Variants in BRD4 observed in about 807,000 individuals in gnomAD.
BRD4 encodes the protein bromodomain containing 4.
BRD4 carries 16 observed loss-of-function variants against 142.1 expected under a neutral mutation model. The ratio of observed to expected loss-of-function variants is 0.11; its 90% CI spans 0.08 to 0.17. The LOEUF is 0.17. Ranked by LOEUF, BRD4 falls within the 10% of genes least tolerant of loss-of-function variation. The pLI, the probability that BRD4 is intolerant of heterozygous loss-of-function variation, is 1.00. For synonymous variants in BRD4, 833 were observed against 707.5 expected, an observed-to-expected ratio of 1.18 and a Z score of -2.82; for missense variants, 1,424 against 1,810.9, an observed-to-expected ratio of 0.79 and a Z score of 3.88.
intron 2 of BRD4, among the ~76,000 whole-genome samples, chr19:15,271,485 G>A (rs1485221146): frequency 3.9e-5 from 6 of 152,132 alleles, no homozygotes; most frequent in Admixed American, 1.3e-4. Context: ...GCTCTCTTCT[G>A]TAGGCCTTCT....
At chr19:15,273,178 T>C in intron 1 of BRD4, 45 bp from the exon 2 acceptor site, 1 of 1,497,086 alleles carries the variant, frequency 6.7e-7, no homozygotes. Context: ...AGTCAGCAGA[T>C]GGGCACCGCT....
At chr19:15,264,222 C>A in intron 6 of BRD4, 182 bp downstream of exon 6, 1 of 758,636 alleles carries the variant, frequency 1.3e-6, no homozygotes, top group Non-Finnish European at 2.0e-6. Flanking sequence ...AGCACCAGGT[C>A]TCAGAGCACG....
In BRD4 at chr19:15,239,600, A is replaced by C; in HGVS notation, c.3445+59T>G. ...GGTCCACCAGCCCCACAGCAAGCTT[A>C]TGTCCAACACGGGCCTCGGGGGGCC... On this transcript the variant is annotated intron_variant, in intron 16 of 19. Transcript: ENST00000679869. This position sits in a 1 kb window ranked among gnomAD's most constrained non-coding sequence, Gnocchi z 7.4. The C allele has an allele frequency of 6.4e-7, 1 of 1,561,902 alleles. No individual in the cohort carries two copies. The highest frequency in any genetic ancestry group is 8.6e-7 in the Non-Finnish European group (1 of 1,161,056).
intron 1 of BRD4, among the ~76,000 whole-genome samples, chr19:15,322,979 G>C (rs1342059791): frequency 6.6e-6 from 1 of 151,516 alleles, no homozygotes; most frequent in Non-Finnish European, 1.5e-5. Context: ...GGACCTGGGA[G>C]GTGGAGCTTT....
chr19:15,298,339 T>C (rs1365846239), intron 1 of BRD4, among the ~76,000 whole-genome samples: 1 of 152,150 alleles, frequency 6.6e-6, no homozygotes, highest in East Asian at 1.9e-4. Flanking sequence ...GCATTCTTAA[T>C]ATAAAAGCTT....
intron 1 of BRD4, among the ~76,000 whole-genome samples, chr19:15,285,057 G>T (rs889652255): frequency 1.3e-5 from 2 of 152,168 alleles, no homozygotes; most frequent in African/African-American, 2.4e-5. Flanking sequence ...GCCACTCACA[G>T]AGCAGCCCTG....
At chr19:15,285,459 G>A (rs1247564406) in intron 1 of BRD4, among the ~76,000 whole-genome samples, 2 of 152,140 alleles carry the variant, frequency 1.3e-5, no homozygotes, top group Admixed American at 1.3e-4. Context: ...CAGCTACTTG[G>A]GAGGCCAAGG....
In BRD4 at chr19:15,266,116, C is replaced by T. The variant is rs1160885808; in HGVS notation, c.560-473G>A. The stretch of plus-strand genomic sequence containing the variant: ...CACCTCCTGGAACCACAGGGGGCAG[C>T]TGGACTGCTGCCCTTCATGACTGGC... On this transcript the variant is annotated intron_variant, in intron 4 of 19. Coordinates refer to ENST00000679869, the MANE Select transcript of BRD4 (RefSeq NM_001379291.1). Among the ~76,000 whole-genome samples the T allele has an allele frequency of 2.0e-5, 3 of 152,364 alleles. 1 individual carries two copies. In the South Asian group the frequency reaches 6.2e-4, roughly 32 times the overall value.
At chr19:15,276,367 C>A (rs982481548) in intron 1 of BRD4, among the ~76,000 whole-genome samples, 1 of 152,162 alleles carries the variant, frequency 6.6e-6, no homozygotes. Flanking sequence ...GCGGTTCCCC[C>A]CAACCCCACA....
chr19:15,302,763 T>C, intron 1 of BRD4, among the ~76,000 whole-genome samples: 1 of 150,786 alleles, frequency 6.6e-6, no homozygotes, highest in East Asian at 1.9e-4. Flanking sequence ...CTCAGCACTT[T>C]GGGAGGCCGA....
chr19:15,239,221 T>C lies in BRD4; in HGVS notation c.3620A>G (p.Gln1207Arg). The change falls in exon 18 of 20, where the codon CAG becomes CGG. Residue 1207 changes from glutamine to arginine, a missense_variant. Physicochemically the swap from Gln to Arg is conservative, Grantham distance 43. Transcript: ENST00000679869. This position sits in a 1 kb window ranked among gnomAD's most constrained non-coding sequence, Gnocchi z 7.4. Reference protein sequence around the residue: ...KNMGSWASLVQKHPTTPSSTA... With the variant: ...KNMGSWASLVRKHPTTPSSTA... Reference sequence around the variant, plus strand: ...GGAGGAGGGGGTGGTCGGATGCTTCTGCACTAGGCTGGCCCAGGAGCCCAT... The same window carrying C: ...GGAGGAGGGGGTGGTCGGATGCTTCCGCACTAGGCTGGCCCAGGAGCCCAT... 1.2e-6 allele frequency: 2 copies of C among 1,613,174 alleles called. No individual in the cohort carries two copies. The highest frequency in any genetic ancestry group is 2.2e-5 in the East Asian group (1 of 44,872).
chr19:15,324,195 C>T (rs1281564495), intron 1 of BRD4, among the ~76,000 whole-genome samples: 1 of 152,114 alleles, frequency 6.6e-6, no homozygotes, highest in East Asian at 1.9e-4. Flanking sequence ...AACAGGCTAA[C>T]ACATGCCTGG....
intron 11 of BRD4, chr19:15,248,155 C>T (rs1011218664): frequency 3.2e-5 from 7 of 219,110 alleles, no homozygotes; most frequent in Non-Finnish European, 3.7e-5. Flanking sequence ...TCATGTCAGG[C>T]AGTTTTCTGC....
At chr19:15,306,900 G>A (rs1321629551) in intron 1 of BRD4, among the ~76,000 whole-genome samples, 1 of 152,158 alleles carries the variant, frequency 6.6e-6, no homozygotes, top group East Asian at 1.9e-4. Context: ...ATGTGACACA[G>A]AGATGAAGTG....
In BRD4 at chr19:15,243,204, TG is replaced by T; in HGVS notation, c.2864del (p.Pro955HisfsTer113). On this transcript the variant is annotated frameshift_variant, in exon 14 of 20. Coordinates refer to ENST00000679869, the MANE Select transcript of BRD4 (RefSeq NM_001379291.1). LOFTEE classifies it high-confidence loss of function. ...GGTGGGGTGGGGGCGGCAGGGGGGG[TG>T]GGGGCTGGGACTGCACCTTCACGGA... ...LPSVKVQSQP[P>X]PPLPPPPHPS... The T allele has an allele frequency of 8.7e-6, 1 of 115,444 alleles. No homozygotes were observed. Among genetic ancestry groups the T allele is most frequent in the Non-Finnish European group, 1.4e-5 (1 of 70,666 alleles). The allele number at this position is 115,444 out of a possible 1,614,324, so 7.2% of individuals were successfully genotyped here.
chr19:15,247,623 A>G (rs534659556), intron 11 of BRD4: 28 of 232,944 alleles, frequency 1.2e-4, no homozygotes, highest in Admixed American at 5.1e-4. Context: ...TCAGGCTGCC[A>G]TTTGGTCCAA....
chr19:15,278,676 C>G (rs758127658), intron 1 of BRD4, among the ~76,000 whole-genome samples: 1 of 151,536 alleles, frequency 6.6e-6, no homozygotes, highest in African/African-American at 2.4e-5. Flanking sequence ...GCTTAACCAC[C>G]TAATAAACAA....
chr19:15,299,766 G>C (rs2047852557), intron 1 of BRD4, among the ~76,000 whole-genome samples: 1 of 152,228 alleles, frequency 6.6e-6, no homozygotes, highest in African/African-American at 2.4e-5. Context: ...TCACTCAGGA[G>C]AGTGGGGCTC....
chr19:15,255,916 G>C, intron 9 of BRD4, 148 bp downstream of exon 9: 1 of 1,010,920 alleles, frequency 9.9e-7, no homozygotes, highest in Non-Finnish European at 1.5e-6. Context: ...CTGTGTGCAA[G>C]TGGCCACCAG....
Sources: allele counts gnomAD v4.1 joint callset (sites outside exome capture counted in the v4.1 genomes callset), GRCh38; gene constraint gnomAD v4.1.1; non-coding constraint Gnocchi (gnomAD v3.1); transcripts MANE v1.5; gene names NCBI Gene and HGNC (gene_info 2026-07-23, HGNC 2026-07-21).